Variants in TRIM9 observed in about 807,000 individuals in gnomAD.
TRIM9 encodes the protein tripartite motif containing 9.
TRIM9 carries 26 observed loss-of-function variants against 78.3 expected under a neutral mutation model. The ratio of observed to expected loss-of-function variants is 0.33; its 90% CI spans 0.24 to 0.46. The LOEUF (loss-of-function observed/expected upper bound fraction) is 0.46. TRIM9 is among the 20% of genes least tolerant of loss of function. TRIM9 has a pLI of 1.00. For missense variants in TRIM9, 787 were observed against 1,036.4 expected (o/e 0.76, Z 3.30); for synonymous variants, 398 against 416.5 (o/e 0.96, Z 0.54).
chr14:51,094,086 G>C, intron 1 of TRIM9, 32 bp downstream of exon 1: 2 of 1,578,030 alleles, frequency 1.3e-6, no homozygotes, highest in East Asian at 4.5e-5. Flanking sequence ...CGGAGACGCA[G>C]GGAGTTAGGA....
intron 7 of TRIM9, among the ~76,000 whole-genome samples, chr14:50,991,826 C>T (rs1479332843): frequency 2.0e-5 from 3 of 152,164 alleles, no homozygotes; most frequent in Admixed American, 1.3e-4. Context: ...GGCTAAGGGA[C>T]ATATCCAAGT....
chr14:50,975,322 G>C lies in TRIM9; in HGVS notation c.*1969C>G, dbSNP rs1428657189. ...AGAAATGACAATTTTTTCTAGTATA[G>C]TAGTTGTATGCATCTGTAATTGCAA... On this transcript the variant is annotated 3_prime_UTR_variant, in exon 13 of 13. Coordinates refer to ENST00000684578, the MANE Select transcript of TRIM9 (RefSeq NM_001387360.1). 2.0e-5 allele frequency: 3 copies of C among 152,618 alleles called. No individual in the cohort carries two copies. Among genetic ancestry groups the C allele is most frequent in the Non-Finnish European group, 4.4e-5 (3 of 68,016 alleles). The allele number at this position is 152,618 out of a possible 1,614,324, so 9.5% of individuals were successfully genotyped here.
chr14:51,008,054 C>A (rs976974233), intron 5 of TRIM9, among the ~76,000 whole-genome samples: 7 of 152,084 alleles, frequency 4.6e-5, no homozygotes, highest in Non-Finnish European at 1.0e-4. Flanking sequence ...TCAGGAGTTG[C>A]AAAGAGCAAA....
chr14:51,057,378 A>C (rs906731735), intron 1 of TRIM9, among the ~76,000 whole-genome samples: 35 of 152,308 alleles, frequency 2.3e-4, no homozygotes, highest in African/African-American at 6.5e-4. Context: ...ATATTTCCTT[A>C]ATTTTCTTCA....
At chr14:51,079,272 T>C (rs1238616611) in intron 1 of TRIM9, among the ~76,000 whole-genome samples, 1 of 152,216 alleles carries the variant, frequency 6.6e-6, no homozygotes, top group Non-Finnish European at 1.5e-5. Context: ...AAGAGAATAA[T>C]TGGCCAATCT....
rs190819384 is a variant in TRIM9, at chr14:51,025,230, G to A, written c.918+35C>T. 67 of 1,575,958 alleles carry A rather than the reference G, an allele frequency of 4.3e-5. No homozygotes were observed. The African/African-American group carries it at 6.2e-4, about 15-fold the overall frequency. On this transcript the variant is annotated intron_variant, in intron 2 of 12. Coordinates refer to ENST00000684578, the MANE Select transcript of TRIM9 (RefSeq NM_001387360.1). ...CCCGCCACACAGTTACGTATTAACC[G>A]GCGGGTTTCCTTGCGTCCCAGGTAA...
chr14:50,985,063 T>C (rs757176875), intron 8 of TRIM9, among the ~76,000 whole-genome samples: 3 of 152,186 alleles, frequency 2.0e-5, no homozygotes, highest in Non-Finnish European at 4.4e-5. Flanking sequence ...CCTTTGGAAA[T>C]ATGAAATGTG....
intron 1 of TRIM9, among the ~76,000 whole-genome samples, chr14:51,061,036 G>T (rs1247983290): frequency 5.3e-5 from 8 of 152,122 alleles, no homozygotes; most frequent in African/African-American, 1.7e-4. Flanking sequence ...GATAAACAAT[G>T]ATGTTGAGTA....
chr14:51,077,785 A>C (rs2062938200), intron 1 of TRIM9, among the ~76,000 whole-genome samples: 1 of 152,208 alleles, frequency 6.6e-6, no homozygotes, highest in South Asian at 2.1e-4. Context: ...AGCATAGTTC[A>C]TATAGCAAGC....
At chr14:51,025,790 A>T (rs1024436299) in intron 1 of TRIM9, among the ~76,000 whole-genome samples, 28 of 152,184 alleles carry the variant, frequency 1.8e-4, no homozygotes, top group Non-Finnish European at 2.9e-4. Context: ...AAAGAACAGG[A>T]TGAAGGAAGG....
intron 7 of TRIM9, chr14:50,997,658 T>C: frequency 9.2e-7 from 1 of 1,087,882 alleles, no homozygotes; most frequent in South Asian, 3.3e-5. Context: ...TACAGAGTAA[T>C]TTAGAATCAT....
intron 5 of TRIM9, among the ~76,000 whole-genome samples, chr14:51,004,878 T>A (rs1053816832): frequency 1.1e-4 from 16 of 152,218 alleles, no homozygotes; most frequent in African/African-American, 3.4e-4. Context: ...TCCCAAAGTT[T>A]CTTTCTGTTT....
chr14:50,978,797 C>T, intron 12 of TRIM9: 1 of 662,212 alleles, frequency 1.5e-6, no homozygotes, highest in Non-Finnish European at 1.9e-6. Flanking sequence ...ATCCCAGACA[C>T]TTATAACTGT....
intron 1 of TRIM9, among the ~76,000 whole-genome samples, chr14:51,065,178 GTA>G (rs2061639132): frequency 6.6e-6 from 1 of 152,156 alleles, no homozygotes; most frequent in African/African-American, 2.4e-5. Context: ...ATCCCTGTGT[GTA>G]TATGTACATG....
rs1378879421 is a variant in TRIM9, at chr14:51,094,942, G to A, written c.-3C>T. The A allele has an allele frequency of 6.8e-7, 1 of 1,473,016 alleles. No individual in the cohort carries two copies. The highest frequency in any genetic ancestry group is 1.5e-5 in the South Asian group (1 of 65,162). 91.2% of individuals were successfully genotyped at this position (1,473,016 alleles called of 1,614,324 possible). On this transcript the variant is annotated 5_prime_UTR_variant, in exon 1 of 13. Coordinates refer to ENST00000684578, the MANE Select transcript of TRIM9 (RefSeq NM_001387360.1). ...AACTCCTCTTCCATCTCCTCCATGGGGACCGGTCTGGGAGGAGACAGCGAC... is the reference window on the plus strand; with the variant it reads ...AACTCCTCTTCCATCTCCTCCATGGAGACCGGTCTGGGAGGAGACAGCGAC...
Position 51,093,944 on chromosome 14 carries a change from G to A in TRIM9, c.822+174C>T, listed in dbSNP as rs374883806. Among the ~76,000 whole-genome samples, 10 of 152,368 alleles carry A rather than the reference G, an allele frequency of 6.6e-5. 1 individual carries two copies. Among genetic ancestry groups the A allele is most frequent in the African/African-American group, 2.4e-4 (10 of 41,600 alleles). Reference sequence around the variant, plus strand: ...GGGGCATTCAACTCCCCCGTGCGCCGGTTAAGATTCCCCCATGCCTCCTGC... The same window carrying A: ...GGGGCATTCAACTCCCCCGTGCGCCAGTTAAGATTCCCCCATGCCTCCTGC... On this transcript the variant is annotated intron_variant, in intron 1 of 12. Coordinates refer to ENST00000684578, the MANE Select transcript of TRIM9 (RefSeq NM_001387360.1).
chr14:51,025,317 T>C lies in TRIM9; in HGVS notation c.866A>G (p.Lys289Arg). ...QALNGLSDRA[K>R]EAKEFLVQLR... ...CTGTACCAGAAACTCCTTGGCTTCT[T>C]TGGCCCTGTCTGACAGTCCGTTCAG... The change falls in exon 2 of 13, where the codon AAA becomes AGA. Residue 289 changes from lysine (K) to arginine (R), a missense_variant. Coordinates refer to ENST00000684578, the MANE Select transcript of TRIM9 (RefSeq NM_001387360.1). The C allele has an allele frequency of 6.2e-7, 1 of 1,614,178 alleles. No individual in the cohort carries two copies. Among genetic ancestry groups the C allele is most frequent in the Non-Finnish European group, 8.5e-7 (1 of 1,180,038 alleles).
chr14:50,992,435 T>C (rs933855690), intron 7 of TRIM9, among the ~76,000 whole-genome samples: 1 of 144,586 alleles, frequency 6.9e-6, no homozygotes, highest in Non-Finnish European at 1.5e-5. Flanking sequence ...AAAAGCCAGG[T>C]GTGGTGGCAT....
At chr14:51,052,427 A>G (rs2060508220) in intron 1 of TRIM9, among the ~76,000 whole-genome samples, 1 of 152,200 alleles carries the variant, frequency 6.6e-6, no homozygotes, top group Admixed American at 6.5e-5. Flanking sequence ...CCTGGGAATT[A>G]AATTTGATTA....
Sources: allele counts gnomAD v4.1 joint callset (sites outside exome capture counted in the v4.1 genomes callset), GRCh38; gene constraint gnomAD v4.1.1; transcripts MANE v1.5; gene names NCBI Gene and HGNC (gene_info 2026-07-23, HGNC 2026-07-21).